NEDD4L: variants seen among roughly 807,000 people sequenced by gnomAD.
The protein encoded by NEDD4L is E3 ubiquitin-protein ligase NEDD4-like.
A neutral mutation model predicts 148.9 loss-of-function variants in NEDD4L; 54 were observed. That is an observed-to-expected ratio of 0.36 (90% CI 0.29 to 0.45). The LOEUF (loss-of-function observed/expected upper bound fraction) is 0.45. NEDD4L is among the 20% of genes least tolerant of loss of function. The probability of loss-of-function intolerance (pLI) is 1.00; values close to 1 mark genes in which losing one functional copy is unlikely to be tolerated. For missense variants in NEDD4L, 856 were observed against 1,233.8 expected, an observed-to-expected ratio of 0.69 and a Z score of 4.59; for synonymous variants, 433 against 440.7, an observed-to-expected ratio of 0.98 and a Z score of 0.22.
At chr18:58,244,632 C>G (rs2047026757) in intron 2 of NEDD4L, among the ~76,000 whole-genome samples, 1 of 152,044 alleles carries the variant, frequency 6.6e-6, no homozygotes, top group African/African-American at 2.4e-5. Context: ...TCTTGACTTT[C>G]TAGGCTTTAG....
Position 58,044,511 on chromosome 18 carries a change from A to G in NEDD4L, c.-150A>G. 1.8e-6 allele frequency: 2 copies of G among 1,121,418 alleles called. No individual in the cohort carries two copies. The highest frequency in any genetic ancestry group is 2.3e-6 in the Non-Finnish European group (2 of 877,116). The allele number at this position is 1,121,418 out of a possible 1,614,324, so 69.5% of individuals were successfully genotyped here. A position where few individuals can be genotyped will look rare whatever the true frequency, so the allele number is the denominator to read the frequency against. The stretch of plus-strand genomic sequence containing the variant: ...CCAGGGCGCGCTCTCGGGCACCCTC[A>G]CCTGCCGGCGCCCGGCCGCTTACCC... On this transcript the variant is annotated 5_prime_UTR_variant, in exon 1 of 31. Transcript: ENST00000400345.
At chr18:58,347,221 C>CCCCCCCCCCCA (rs2043207718) in intron 16 of NEDD4L, among the ~76,000 whole-genome samples, 2 of 94,256 alleles carry the variant, frequency 2.1e-5, no homozygotes, top group African/African-American at 4.1e-5. Context: ...CCCGCCCCCC[C>CCCCCCCCCCCA]CCCCCCTTTA....
chr18:58,126,924 G>T (rs549008886), intron 1 of NEDD4L, among the ~76,000 whole-genome samples: 1 of 152,230 alleles, frequency 6.6e-6, no homozygotes, highest in Non-Finnish European at 1.5e-5. Flanking sequence ...TGAGGTGCCT[G>T]CCTGGGCAGC....
At chr18:58,262,138 G>A (rs1439498272) in intron 5 of NEDD4L, among the ~76,000 whole-genome samples, 1 of 152,110 alleles carries the variant, frequency 6.6e-6, no homozygotes, top group South Asian at 2.1e-4. Context: ...CACCTGCTGC[G>A]TATGCCCCAC....
At chr18:58,133,660 T>C (rs1235369708) in intron 1 of NEDD4L, among the ~76,000 whole-genome samples, 1 of 152,214 alleles carries the variant, frequency 6.6e-6, no homozygotes, top group Admixed American at 6.5e-5. Context: ...CCATGCTTGC[T>C]AGACTGGCTT....
At chr18:58,254,712 G>C (rs963230872) in intron 5 of NEDD4L, among the ~76,000 whole-genome samples, 1 of 152,050 alleles carries the variant, frequency 6.6e-6, no homozygotes, top group Non-Finnish European at 1.5e-5. Flanking sequence ...CTTTGAAAAG[G>C]AGACACTTTG....
intron 1 of NEDD4L, among the ~76,000 whole-genome samples, chr18:58,074,432 GTATTTT>G (rs1213086853): frequency 9.0e-6 from 1 of 110,706 alleles, no homozygotes; most frequent in Non-Finnish European, 1.8e-5. Context: ...CTAATTTTTT[GTATTTT>G]TTTTTTTTTT....
chr18:58,184,963 T>C (rs1222056504), intron 2 of NEDD4L, among the ~76,000 whole-genome samples: 1 of 151,984 alleles, frequency 6.6e-6, no homozygotes, highest in Non-Finnish European at 1.5e-5. Context: ...AGTGTTCTCC[T>C]AAGTGCTGCT....
chr18:58,387,427 T>C lies in NEDD4L; in HGVS notation c.2488-12T>C, dbSNP rs905290565. On this transcript the variant is annotated splice_polypyrimidine_tract_variant and intron_variant, in intron 26 of 30. Coordinates refer to ENST00000400345, the MANE Select transcript of NEDD4L (RefSeq NM_001144967.3). ...CAATAGGTGTTTAAGATGTTTTTTT[T>C]TTTTCTTTCAGGGATTCACAGAACT... The C allele has an allele frequency of 3.9e-6, 6 of 1,527,716 alleles. No individual in the cohort carries two copies. The East Asian group carries it at 1.2e-4, about 30-fold the overall frequency. 94.6% of individuals were successfully genotyped at this position (1,527,716 alleles called of 1,614,324 possible). A position where few individuals can be genotyped will look rare whatever the true frequency, so the allele number is the denominator to read the frequency against.
chr18:58,246,805 G>A (rs2047314320), intron 3 of NEDD4L, among the ~76,000 whole-genome samples: 1 of 152,102 alleles, frequency 6.6e-6, no homozygotes, highest in Non-Finnish European at 1.5e-5. Context: ...TGTATTTATA[G>A]ACATATGTAA....
chr18:58,151,282 A>G (rs1234441825), intron 1 of NEDD4L, among the ~76,000 whole-genome samples: 1 of 152,164 alleles, frequency 6.6e-6, no homozygotes, highest in East Asian at 1.9e-4. Flanking sequence ...ATGGCTCTCC[A>G]AGGGGCTGGT....
chr18:58,192,183 T>C (rs190492203), intron 2 of NEDD4L, among the ~76,000 whole-genome samples: 469 of 152,308 alleles, frequency 3.1e-3, no homozygotes, highest in Non-Finnish European at 5.1e-3. Context: ...AAAAACTTAA[T>C]GATGATAGCA....
intron 19 of NEDD4L, among the ~76,000 whole-genome samples, chr18:58,358,267 T>C (rs2044973332): frequency 6.6e-6 from 1 of 152,164 alleles, no homozygotes; most frequent in Non-Finnish European, 1.5e-5. Context: ...TGTTTAGTCA[T>C]TTGGGTACTA....
At chr18:58,388,187 G>A (rs2049302660) in intron 27 of NEDD4L, 1 of 152,272 alleles carries the variant, frequency 6.6e-6, no homozygotes, top group East Asian at 1.9e-4. Flanking sequence ...GAGAGAAACA[G>A]GGGAAAGACT....
chr18:58,394,706 T>G (rs2050258990), intron 30 of NEDD4L, among the ~76,000 whole-genome samples: 1 of 152,232 alleles, frequency 6.6e-6, no homozygotes, highest in Admixed American at 6.5e-5. Flanking sequence ...AGAATCCAAG[T>G]GGAACTCAGT....
rs530568204 is a variant in NEDD4L, at chr18:58,254,536, G to C, written c.297+2482G>C. Reference sequence around the variant, plus strand: ...CAGCTCTAGGTAGCATTTCTTCTGTGTGGTATTTAAGTTAAATTATTACCA... The same window carrying C: ...CAGCTCTAGGTAGCATTTCTTCTGTCTGGTATTTAAGTTAAATTATTACCA... On this transcript the variant is annotated intron_variant, in intron 5 of 30. Transcript: ENST00000400345. 1.4e-3 allele frequency among the ~76,000 whole-genome samples: 195 copies of C among 142,446 alleles called. 2 individuals are homozygous for C. The highest frequency in any genetic ancestry group is 2.1e-3 in the Non-Finnish European group (141 of 66,394). 93.5% of individuals were successfully genotyped at this position (142,446 alleles called of 152,430 possible).
chr18:58,047,480 C>T, intron 1 of NEDD4L: 1 of 985,426 alleles, frequency 1.0e-6, no homozygotes, highest in Non-Finnish European at 1.2e-6. Flanking sequence ...TTCCTTGCGT[C>T]ATCAGCAGAG....
At chr18:58,113,651 G>T (rs1014250875) in intron 1 of NEDD4L, among the ~76,000 whole-genome samples, 2 of 152,278 alleles carry the variant, frequency 1.3e-5, no homozygotes, top group Admixed American at 1.3e-4. Context: ...GCTCATAGAG[G>T]CCAAAGTGGG....
At chr18:58,045,368 C>T in intron 1 of NEDD4L, 1 of 385,484 alleles carries the variant, frequency 2.6e-6, no homozygotes, top group Non-Finnish European at 4.6e-6. Flanking sequence ...TGCAGCCCTG[C>T]CATTTTTTCC....
Sources: gnomAD v4.1 joint callset for allele counts (sites outside exome capture counted in the v4.1 genomes callset) on GRCh38, gnomAD v4.1.1 for gene constraint, MANE v1.5 for transcripts, NCBI Gene and HGNC (gene_info 2026-07-23, HGNC 2026-07-21) for gene names.